The following ILDR1 variants were observed in gnomAD, a reference collection of about 807,000 sequenced individuals.
ILDR1 encodes the protein immunoglobulin-like domain-containing receptor 1.
A neutral mutation model predicts 62.4 loss-of-function variants in ILDR1; 56 were observed. The observed-to-expected ratio is 0.90, with a 90% confidence interval of 0.72 to 1.12. ILDR1 has a LOEUF of 1.12. Ranked by LOEUF, ILDR1 falls within the 50% of genes most tolerant of loss-of-function variation. The probability of loss-of-function intolerance (pLI) is 0.00; values close to 1 mark genes in which losing one functional copy is unlikely to be tolerated. For synonymous variants in ILDR1, 284 were observed against 277.8 expected (o/e 1.02, Z -0.22); for missense variants, 736 against 710.6 (o/e 1.04, Z -0.41).
chr3:122,021,450 C>T (rs1014930723), intron 1 of ILDR1, among the ~76,000 whole-genome samples: 1 of 152,076 alleles, frequency 6.6e-6, no homozygotes, highest in Admixed American at 6.6e-5. Flanking sequence ...GGTTGGACAC[C>T]TGATGCAGGA....
In ILDR1 at chr3:122,022,206, G is replaced by T. The variant is rs2071868811; in HGVS notation, c.-129C>A. On this transcript the variant is annotated 5_prime_UTR_variant, in exon 1 of 8. Transcript: ENST00000344209. ...CGGGTTTCCCCTCCCTCGGCGCAGC[G>T]GGGAGGGAGCGTCCGCTCTGGTCCC... 5.1e-6 allele frequency: 4 copies of T among 791,982 alleles called. No homozygotes were observed. The highest frequency in any genetic ancestry group is 7.9e-6 in the Non-Finnish European group (4 of 504,868). The allele number at this position is 791,982 out of a possible 1,614,324, so 49.1% of individuals were successfully genotyped here.
intron 5 of ILDR1, among the ~76,000 whole-genome samples, chr3:121,999,931 A>G (rs2071491943): frequency 6.6e-6 from 1 of 152,140 alleles, no homozygotes; most frequent in South Asian, 2.1e-4. Context: ...TCTTATGTAA[A>G]ATATAGATTT....
the ILDR1 span, among the ~76,000 whole-genome samples, chr3:122,054,050 CAA>C: frequency 6.6e-6 from 1 of 152,118 alleles, no homozygotes; most frequent in South Asian, 2.1e-4. Context: ...ATGAAATTAT[CAA>C]AGTTGATAAA....
Position 122,009,814 on chromosome 3 carries a change from G to T in ILDR1, c.59-2653C>A, listed in dbSNP as rs112814395. Among the ~76,000 whole-genome samples the T allele has an allele frequency of 8.3e-3, 1,268 of 152,330 alleles. 16 individuals carry two copies. The highest frequency in any genetic ancestry group is 0.028 in the African/African-American group (1,171 of 41,556). On this transcript the variant is annotated intron_variant, in intron 1 of 7. Transcript: ENST00000344209. ...GACCTACTGGTCACAGCCCTTGTAA[G>T]ACTGTCCCCTTAAACTTCTGATAGG...
chr3:122,016,127 C>T (rs546661902), intron 1 of ILDR1, among the ~76,000 whole-genome samples: 1 of 152,350 alleles, frequency 6.6e-6, no homozygotes, highest in East Asian at 1.9e-4. Flanking sequence ...TAACATTCTT[C>T]TCATCTCTCA....
chr3:122,034,601 G>C, the ILDR1 span, among the ~76,000 whole-genome samples: 1 of 152,216 alleles, frequency 6.6e-6, no homozygotes, highest in Non-Finnish European at 1.5e-5. Context: ...GTGTAATACA[G>C]TAAACCCCTT....
At chr3:122,050,698 C>G in the ILDR1 span, among the ~76,000 whole-genome samples, 1 of 151,982 alleles carries the variant, frequency 6.6e-6, no homozygotes, top group African/African-American at 2.4e-5. Flanking sequence ...TACACTATTA[C>G]AGTATTCTGT....
chr3:122,017,702 A>G (rs2071796222), intron 1 of ILDR1, among the ~76,000 whole-genome samples: 1 of 152,240 alleles, frequency 6.6e-6, no homozygotes, highest in Admixed American at 6.5e-5. Context: ...ACAAGAAAAA[A>G]GCAAACAACC....
At chr3:122,021,949 C>G in intron 1 of ILDR1, 71 bp downstream of exon 1, 2 of 1,475,850 alleles carry the variant, frequency 1.4e-6, no homozygotes, top group Non-Finnish European at 1.9e-6. Context: ...GCGGCCAGCT[C>G]TGCAAGGCCA....
chr3:121,990,964 G>A (rs1049672285), intron 7 of ILDR1, among the ~76,000 whole-genome samples: 1 of 152,212 alleles, frequency 6.6e-6, no homozygotes, highest in Non-Finnish European at 1.5e-5. Flanking sequence ...CACTTTGGGA[G>A]GTCGAGGCGG....
the ILDR1 span, among the ~76,000 whole-genome samples, chr3:122,039,744 T>C: frequency 6.6e-6 from 1 of 152,160 alleles, no homozygotes; most frequent in South Asian, 2.1e-4. Context: ...GAGGGTAAGA[T>C]AAAATTTATT....
At chr3:122,016,612 G>C (rs1037043404) in intron 1 of ILDR1, among the ~76,000 whole-genome samples, 7 of 152,220 alleles carry the variant, frequency 4.6e-5, no homozygotes, top group African/African-American at 1.7e-4. Flanking sequence ...CTGTATCTGG[G>C]GGGACAAGGC....
chr3:122,045,028 G>C, the ILDR1 span, among the ~76,000 whole-genome samples: 23 of 151,396 alleles, frequency 1.5e-4, 1 homozygote, highest in South Asian at 2.5e-3. Context: ...AATTTTGGAT[G>C]TTTCCTGCTT....
the ILDR1 span, among the ~76,000 whole-genome samples, chr3:122,045,243 A>T: frequency 4.7e-5 from 7 of 149,058 alleles, no homozygotes; most frequent in African/African-American, 1.7e-4. Flanking sequence ...TGAGATTCTT[A>T]ATCCTGAGTT....
chr3:122,046,340 T>C, the ILDR1 span, among the ~76,000 whole-genome samples: 18 of 151,628 alleles, frequency 1.2e-4, no homozygotes, highest in African/African-American at 2.4e-4. Flanking sequence ...TTCTCTCTGG[T>C]TGCCCTTAAC....
chr3:122,035,871 A>C, the ILDR1 span, among the ~76,000 whole-genome samples: 1 of 152,258 alleles, frequency 6.6e-6, no homozygotes, highest in Non-Finnish European at 1.5e-5. Flanking sequence ...ATAACTGAAA[A>C]TGTGTAAGTG....
At chr3:122,025,955 G>A (rs140953051), upstream of ILDR1, among the ~76,000 whole-genome samples, 33 of 152,264 alleles carry the variant, frequency 2.2e-4, no homozygotes, top group African/African-American at 7.7e-4. Flanking sequence ...CCTGGAGGAA[G>A]GGACATCTGC....
At chr3:122,040,723 CA>C in the ILDR1 span, among the ~76,000 whole-genome samples, 294 of 65,326 alleles carry the variant, frequency 4.5e-3, no homozygotes, top group East Asian at 0.025. Context: ...AATCCAGATG[CA>C]AAAAAAAAAA....
At chr3:122,042,117 C>T in the ILDR1 span, among the ~76,000 whole-genome samples, 7 of 101,892 alleles carry the variant, frequency 6.9e-5, no homozygotes, top group African/African-American at 1.9e-4. Context: ...CTTCCTGTGT[C>T]CATGTGATCT....
Sources: allele counts gnomAD v4.1 joint callset (sites outside exome capture counted in the v4.1 genomes callset), GRCh38; gene constraint gnomAD v4.1.1; transcripts MANE v1.5; gene names NCBI Gene and HGNC (gene_info 2026-07-23, HGNC 2026-07-21).